The following FHIT variants were observed in gnomAD, a reference collection of about 807,000 sequenced individuals.
FHIT encodes fragile histidine triad diadenosine triphosphatase.
In FHIT, 19 loss-of-function variants were observed where a neutral mutation model predicts 17.9. The ratio of observed to expected loss-of-function variants is 1.06; its 90% CI spans 0.74 to 1.56. The LOEUF is 1.56. Ranked by LOEUF, FHIT falls within the 40% of genes most tolerant of loss-of-function variation. The pLI is 0.00. For synonymous variants in FHIT, 81 were observed against 69.7 expected, an observed-to-expected ratio of 1.16 and a Z score of -0.81; for missense variants, 248 against 189.2, an observed-to-expected ratio of 1.31 and a Z score of -1.82.
chr3:60,754,356 G>A (rs1212874056), intron 4 of FHIT, among the ~76,000 whole-genome samples: 3 of 152,124 alleles, frequency 2.0e-5, no homozygotes, highest in Non-Finnish European at 4.4e-5. Flanking sequence ...TATCAACAGG[G>A]GGAATCTCAC....
At chr3:60,465,607 T>C (rs765226854) in intron 5 of FHIT, among the ~76,000 whole-genome samples, 1 of 152,120 alleles carries the variant, frequency 6.6e-6, no homozygotes, top group Non-Finnish European at 1.5e-5. Context: ...CTTCTGCATA[T>C]AGATATTCAG....
intron 2 of FHIT, among the ~76,000 whole-genome samples, chr3:61,077,210 G>A (rs1188553310): frequency 3.3e-5 from 5 of 152,050 alleles, no homozygotes; most frequent in East Asian, 1.9e-4. Flanking sequence ...ATAAATCAAC[G>A]AAAGCCCCCA....
At chr3:60,833,321 G>A (rs1041265786) in intron 3 of FHIT, among the ~76,000 whole-genome samples, 4 of 152,138 alleles carry the variant, frequency 2.6e-5, no homozygotes, top group African/African-American at 7.2e-5. Flanking sequence ...TATGCGGATT[G>A]GGCAAGAACT....
At chr3:60,232,092 T>C (rs1234540024) in intron 5 of FHIT, among the ~76,000 whole-genome samples, 1 of 152,160 alleles carries the variant, frequency 6.6e-6, no homozygotes, top group African/African-American at 2.4e-5. Flanking sequence ...TAGGAACTTG[T>C]AGTAGAAATG....
chr3:61,244,636 G>T (rs1032445640), intron 1 of FHIT, among the ~76,000 whole-genome samples: 5 of 152,106 alleles, frequency 3.3e-5, no homozygotes, highest in Non-Finnish European at 7.4e-5. Context: ...TCCTGAAGCA[G>T]GTCTAAGACC....
chr3:60,424,456 AG>A (rs1702589100), intron 5 of FHIT, among the ~76,000 whole-genome samples: 1 of 152,188 alleles, frequency 6.6e-6, no homozygotes, highest in African/African-American at 2.4e-5. Flanking sequence ...ACAAAGCTAA[AG>A]TCAGAAATGC....
rs1014659731 is a variant in FHIT at position 60,130,212 on chromosome 3, G to A, written c.104-116060C>T. On this transcript the variant is annotated intron_variant, in intron 5 of 9. Transcript: ENST00000492590. Reference sequence around the variant, plus strand: ...GTCTCTAACCAGCTGTGTGATACGTGCCATGTAATATCTGGCTTTGGTTTT... The same window carrying A: ...GTCTCTAACCAGCTGTGTGATACGTACCATGTAATATCTGGCTTTGGTTTT... 1.4e-4 allele frequency among the ~76,000 whole-genome samples: 22 copies of A among 152,296 alleles called. No individual in the cohort carries two copies. In the East Asian group the frequency reaches 4.2e-3, roughly 29 times the overall value.
intron 9 of FHIT, chr3:59,750,642 TAAGCTTTCTA>T (rs2106719604): frequency 4.5e-6 from 1 of 222,106 alleles, no homozygotes; most frequent in African/African-American, 2.2e-5. Context: ...GAGAATGAAA[TAAGCTTTCTA>T]GAATGCAAGG....
At chr3:61,175,164 TCA>T (rs2038120884) in intron 2 of FHIT, among the ~76,000 whole-genome samples, 1 of 152,120 alleles carries the variant, frequency 6.6e-6, no homozygotes. Flanking sequence ...TCACAGTTTG[TCA>T]CACAAAGCAC....
At chr3:60,680,571 T>TTC (rs2107861290) in intron 4 of FHIT, among the ~76,000 whole-genome samples, 1 of 151,866 alleles carries the variant, frequency 6.6e-6, no homozygotes, top group Non-Finnish European at 1.5e-5. Context: ...TTTTTTTTTT[T>TTC]TTGCCAATGT....
At chr3:59,907,975 G>A (rs796486423) in intron 8 of FHIT, among the ~76,000 whole-genome samples, 1 of 152,128 alleles carries the variant, frequency 6.6e-6, no homozygotes, top group Admixed American at 6.5e-5. Flanking sequence ...TACTTATTTT[G>A]CCTCTCTCTT....
intron 4 of FHIT, among the ~76,000 whole-genome samples, chr3:60,742,891 A>G (rs542475898): frequency 6.6e-6 from 1 of 152,362 alleles, no homozygotes; most frequent in Admixed American, 6.5e-5. Context: ...GAGATGGAAA[A>G]GTAGGAACGT....
chr3:60,833,320 T>G (rs1277035840), intron 3 of FHIT, among the ~76,000 whole-genome samples: 1 of 152,186 alleles, frequency 6.6e-6, no homozygotes, highest in African/African-American at 2.4e-5. Context: ...CTATGCGGAT[T>G]GGGCAAGAAC....
intron 7 of FHIT, among the ~76,000 whole-genome samples, chr3:60,007,608 T>C (rs115591924): frequency 4.9e-4 from 74 of 152,294 alleles, no homozygotes; most frequent in African/African-American, 1.6e-3. Context: ...ACAATACAGA[T>C]TAACGAGAGG....
chr3:60,649,798 G>GA lies in FHIT; in HGVS notation c.-17-112820dup, dbSNP rs201003475. ...AGTCAGGTATTACTTTTATAATCTG[G>GA]AAAAAAAAACCCAGCAATTTCCATT... On this transcript the variant is annotated intron_variant, in intron 4 of 9. Coordinates refer to ENST00000492590, the MANE Select transcript of FHIT (RefSeq NM_002012.4). Among the ~76,000 whole-genome samples, 744 of 150,808 alleles carry GA rather than the reference G, an allele frequency of 4.9e-3. 5 individuals carry two copies. The highest frequency in any genetic ancestry group is 0.017 in the African/African-American group (686 of 41,086).
chr3:59,748,765 T>C lies in FHIT; in HGVS notation c.*820A>G, dbSNP rs1260450339. Among the ~76,000 whole-genome samples, 1 of 152,056 alleles carries C rather than the reference T, an allele frequency of 6.6e-6. No homozygotes were observed. The highest frequency in any genetic ancestry group is 1.5e-5 in the Non-Finnish European group (1 of 67,936). On this transcript the variant is annotated 3_prime_UTR_variant, in exon 10 of 10. Transcript: ENST00000492590. ...ACTGCCTGGATTCAAATCTGAGCTTTGCCACTTACCGTTGGCCTTGAACTA... is the reference window on the plus strand; with the variant it reads ...ACTGCCTGGATTCAAATCTGAGCTTCGCCACTTACCGTTGGCCTTGAACTA...
At chr3:60,475,709 C>G (rs2107460078) in intron 5 of FHIT, among the ~76,000 whole-genome samples, 1 of 152,330 alleles carries the variant, frequency 6.6e-6, no homozygotes, top group South Asian at 2.1e-4. Flanking sequence ...GTTAAGCACC[C>G]CTACACCAAA....
intron 8 of FHIT, among the ~76,000 whole-genome samples, chr3:59,850,649 T>C (rs1449327558): frequency 6.6e-6 from 1 of 152,118 alleles, no homozygotes; most frequent in Non-Finnish European, 1.5e-5. Context: ...CCAAGGAACT[T>C]TATTTAAGAT....
At chr3:60,163,388 C>T (rs1366357995) in intron 5 of FHIT, among the ~76,000 whole-genome samples, 1 of 152,122 alleles carries the variant, frequency 6.6e-6, no homozygotes, top group Non-Finnish European at 1.5e-5. Flanking sequence ...GCCTGCATGA[C>T]CCCCTGGGAC....
Sources: gnomAD v4.1 joint callset for allele counts (sites outside exome capture counted in the v4.1 genomes callset) on GRCh38, gnomAD v4.1.1 for gene constraint, MANE v1.5 for transcripts, NCBI Gene and HGNC (gene_info 2026-07-23, HGNC 2026-07-21) for gene names.